PGC: variants seen among roughly 807,000 people sequenced by gnomAD.
PGC encodes the protein progastricsin, also known as gastricsin.
Under a neutral mutation model 45.9 loss-of-function variants are expected in PGC, and 31 were observed. The ratio of observed to expected loss-of-function variants is 0.67; its 90% CI spans 0.51 to 0.91. PGC has a LOEUF of 0.91. PGC is among the 40% of genes least tolerant of loss of function. The pLI is 0.00. For synonymous variants in PGC, 192 were observed against 201.8 expected (o/e 0.95, Z 0.41); for missense variants, 477 against 493.2 (o/e 0.97, Z 0.31).
Position 41,736,785 on chromosome 6 carries a change from G to A in PGC, c.*67C>T, listed in dbSNP as rs749943484. The A allele has an allele frequency of 2.0e-6, 3 of 1,509,586 alleles. No homozygotes were observed. The highest frequency in any genetic ancestry group is 2.8e-6 in the Non-Finnish European group (3 of 1,085,222). 93.5% of individuals were successfully genotyped at this position (1,509,586 alleles called of 1,614,324 possible). A position where few individuals can be genotyped will look rare whatever the true frequency, so the allele number is the denominator to read the frequency against. ...AGGCTGAATCCAGAGTGGAAAGACA[G>A]ATACAATGCCCTAGGAGGGTGCAGG... On this transcript the variant is annotated 3_prime_UTR_variant, in exon 9 of 9. Coordinates refer to ENST00000373025, the MANE Select transcript of PGC (RefSeq NM_002630.4).
In PGC at chr6:41,744,368, C is replaced by A; in HGVS notation, c.328+29G>T. 6.6e-7 allele frequency: 1 copy of A among 1,517,226 alleles called. No individual in the cohort carries two copies. The highest frequency in any genetic ancestry group is 9.1e-7 in the Non-Finnish European group (1 of 1,101,152). The allele number at this position is 1,517,226 out of a possible 1,614,324, so 94.0% of individuals were successfully genotyped here. ...GGTATCAGTGCCTTGCCCTGCCAAC[C>A]ACCCCTCTCTGCCCAGCCCAGCACT... On this transcript the variant is annotated intron_variant, in intron 3 of 8. Coordinates refer to ENST00000373025, the MANE Select transcript of PGC (RefSeq NM_002630.4). The surrounding 1 kb of genome is among the most constrained non-coding windows in gnomAD (Gnocchi z 4.4).
intron 5 of PGC, chr6:41,741,871 G>A (rs1024106213): frequency 6.6e-7 from 1 of 1,505,768 alleles, no homozygotes; most frequent in African/African-American, 1.4e-5. Context: ...AGGAGATGAA[G>A]CAATACATTA....
At chr6:41,741,261 G>GGAGAGGAAGTTAGCAAC in intron 5 of PGC, 1 of 1,438,512 alleles carries the variant, frequency 7.0e-7, no homozygotes, top group Non-Finnish European at 9.1e-7. Context: ...AAACAGAGGT[G>GGAGAGGAAGTTAGCAAC]GAGAGGAAGT....
rs1488959031 is a variant in PGC at position 41,744,370 on chromosome 6, C to T, written c.328+27G>A. On this transcript the variant is annotated intron_variant, in intron 3 of 8. Coordinates refer to ENST00000373025, the MANE Select transcript of PGC (RefSeq NM_002630.4). This position sits in a 1 kb window ranked among gnomAD's most constrained non-coding sequence, Gnocchi z 4.4. The stretch of plus-strand genomic sequence containing the variant: ...TATCAGTGCCTTGCCCTGCCAACCA[C>T]CCCTCTCTGCCCAGCCCAGCACTCA... 1 of 1,523,400 alleles carries T rather than the reference C, an allele frequency of 6.6e-7. No homozygotes were observed. Among genetic ancestry groups the T allele is most frequent in the Non-Finnish European group, 9.0e-7 (1 of 1,106,476 alleles). 94.4% of individuals were successfully genotyped at this position (1,523,400 alleles called of 1,614,324 possible). A position where few individuals can be genotyped will look rare whatever the true frequency, so the allele number is the denominator to read the frequency against.
Position 41,745,360 on chromosome 6 carries a change from T to C in PGC, c.60-552A>G, listed in dbSNP as rs1390188565. On this transcript the variant is annotated intron_variant, in intron 1 of 8. Coordinates refer to ENST00000373025, the MANE Select transcript of PGC (RefSeq NM_002630.4). ...TTCAGAAAATTCTCCTGCCTCAGCC[T>C]CCCGAGTAGCTGGAATTACAGGCGC... Among the ~76,000 whole-genome samples the C allele has an allele frequency of 2.6e-5, 4 of 152,116 alleles. No homozygotes were observed. The East Asian group carries it at 7.7e-4, about 29-fold the overall frequency.
rs529644377 is a variant in PGC at position 41,744,263 on chromosome 6, C to T, written c.328+134G>A. 3.2e-6 allele frequency: 2 copies of T among 626,250 alleles called. No homozygotes were observed. Among genetic ancestry groups the T allele is most frequent in the Non-Finnish European group, 5.7e-6 (2 of 349,992 alleles). The allele number at this position is 626,250 out of a possible 1,614,324, so 38.8% of individuals were successfully genotyped here. On this transcript the variant is annotated intron_variant, in intron 3 of 8. Coordinates refer to ENST00000373025, the MANE Select transcript of PGC (RefSeq NM_002630.4). The surrounding 1 kb of genome is among the most constrained non-coding windows in gnomAD (Gnocchi z 4.4). ...TCTGGCTTGGGCATGCTGTGTGGCC[C>T]TGCACATGTCCCTGGTCCTCCCCAG...
rs1771891905 is a variant in PGC, at chr6:41,744,567, C to T, written c.211-53G>A. On this transcript the variant is annotated intron_variant, in intron 2 of 8. Transcript: ENST00000373025. The surrounding 1 kb of genome is among the most constrained non-coding windows in gnomAD (Gnocchi z 4.4). Reference sequence around the variant, plus strand: ...TCCAGAGGGATCCAGGGGCCCCAGGCTCCTCCATGGGCAGAGGAGTGAAGG... The same window carrying T: ...TCCAGAGGGATCCAGGGGCCCCAGGTTCCTCCATGGGCAGAGGAGTGAAGG... 3.2e-6 allele frequency: 5 copies of T among 1,583,120 alleles called. No individual in the cohort carries two copies. The East Asian group carries it at 6.7e-5, about 21-fold the overall frequency.
Position 41,744,670 on chromosome 6 carries a change from C to A in PGC, c.198G>T (p.Met66Ile). The change falls in exon 2 of 9, where the codon ATG becomes ATT. Residue 66 changes from methionine (M) to isoleucine (I), a missense_variant. Physicochemically the swap from Met to Ile is conservative, Grantham distance 10. Transcript: ENST00000373025. This position sits in a 1 kb window ranked among gnomAD's most constrained non-coding sequence, Gnocchi z 4.4. ...FGDLSVTYEPMAYMDAAYFGE... is the reference protein window; with the variant it reads ...FGDLSVTYEPIAYMDAAYFGE... ...GGTCAGGACTCACATCCATGTAGGC[C>A]ATGGGCTCGTAGGTCACGCTGAGGT... 6.2e-7 allele frequency: 1 copy of A among 1,614,118 alleles called. No homozygotes were observed. The highest frequency in any genetic ancestry group is 8.5e-7 in the Non-Finnish European group (1 of 1,180,012).
In PGC at chr6:41,744,999, G is replaced by C. The variant is rs1270016357; in HGVS notation, c.60-191C>G. Among the ~76,000 whole-genome samples the C allele has an allele frequency of 8.7e-6, 1 of 115,278 alleles. No individual in the cohort carries two copies. Among genetic ancestry groups the C allele is most frequent in the African/African-American group, 2.7e-5 (1 of 36,950 alleles). 75.6% of individuals were successfully genotyped at this position (115,278 alleles called of 152,430 possible). On this transcript the variant is annotated intron_variant, in intron 1 of 8. Coordinates refer to ENST00000373025, the MANE Select transcript of PGC (RefSeq NM_002630.4). The surrounding 1 kb of genome is among the most constrained non-coding windows in gnomAD (Gnocchi z 4.4). ...TGTCTCTGTCTGTCTGTCTCTCTGT[G>C]TGTGTGTGTGTGTGTGCGCGCGCGC...
rs1771885112 is a variant in PGC at position 41,744,279 on chromosome 6, T to A, written c.328+118A>T. The stretch of plus-strand genomic sequence containing the variant: ...TGTGTGGCCCTGCACATGTCCCTGG[T>A]CCTCCCCAGGACTGAGCTCCCCTCA... On this transcript the variant is annotated intron_variant, in intron 3 of 8. Coordinates refer to ENST00000373025, the MANE Select transcript of PGC (RefSeq NM_002630.4). The surrounding 1 kb of genome is among the most constrained non-coding windows in gnomAD (Gnocchi z 4.4). 2 of 658,008 alleles carry A rather than the reference T, an allele frequency of 3.0e-6. No individual in the cohort carries two copies. Among genetic ancestry groups the A allele is most frequent in the African/African-American group, 1.8e-5 (1 of 55,934 alleles). The allele number at this position is 658,008 out of a possible 1,614,324, so 40.8% of individuals were successfully genotyped here.
At chr6:41,740,014 C>T (rs1771792571) in intron 6 of PGC, 68 bp from the exon 7 acceptor site, 3 of 1,441,092 alleles carry the variant, frequency 2.1e-6, no homozygotes, top group Non-Finnish European at 2.9e-6. Context: ...GGGCTTTCCC[C>T]ACCACTGTGG....
intron 4 of PGC, among the ~76,000 whole-genome samples, chr6:41,742,790 A>G (rs190480871): frequency 9.9e-5 from 15 of 152,234 alleles, no homozygotes; most frequent in African/African-American, 2.6e-4. Context: ...ACGCTCAGCT[A>G]ATTTTTTGTA....
intron 8 of PGC, 35 bp from the exon 9 acceptor site, chr6:41,737,039 G>C (rs760742809): frequency 4.4e-6 from 7 of 1,592,546 alleles, no homozygotes; most frequent in Non-Finnish European, 6.0e-6. Context: ...TCATTCATTT[G>C]TCCACACATG....
intron 7 of PGC, among the ~76,000 whole-genome samples, chr6:41,738,266 A>ATATATATATGCATATATATATATG (rs1223190895): frequency 0.022 from 149 of 6,762 alleles, 16 homozygotes; most frequent in South Asian, 0.13. Context: ...ATATATATGC[A>ATATATATATGCATATATATATATG]CACACACACA....
At chr6:41,741,682 T>A in intron 5 of PGC, 1 of 711,488 alleles carries the variant, frequency 1.4e-6, no homozygotes, top group East Asian at 2.7e-5. Flanking sequence ...AGCAAGTTGC[T>A]GGTTAATTCT....
At chr6:41,737,659 C>G in intron 8 of PGC, 71 bp downstream of exon 8, 1 of 873,190 alleles carries the variant, frequency 1.1e-6, no homozygotes, top group Non-Finnish European at 1.9e-6. Flanking sequence ...GGAGACCCAG[C>G]ATTTCTGGCT....
At chr6:41,737,940 C>G in intron 7 of PGC, 112 bp from the exon 8 acceptor site, 1 of 651,356 alleles carries the variant, frequency 1.5e-6, no homozygotes, top group East Asian at 2.8e-5. Context: ...AAGCCCTAAG[C>G]CTGTTTTTGG....
At chr6:41,747,037 C>T (rs1257748500) in intron 1 of PGC, among the ~76,000 whole-genome samples, 2 of 152,236 alleles carry the variant, frequency 1.3e-5, no homozygotes, top group African/African-American at 2.4e-5. Context: ...GTCCATCTTT[C>T]CTCATCAGAT....
chr6:41,741,986 A>T (rs1435682223), intron 5 of PGC: 1 of 691,404 alleles, frequency 1.4e-6, no homozygotes, highest in Non-Finnish European at 2.5e-6. Context: ...GGTGCTGAGA[A>T]TCAGAGCAGC....
Sources: allele counts gnomAD v4.1 joint callset (sites outside exome capture counted in the v4.1 genomes callset), GRCh38; gene constraint gnomAD v4.1.1; non-coding constraint Gnocchi (gnomAD v3.1); transcripts MANE v1.5; gene names NCBI Gene and HGNC (gene_info 2026-07-23, HGNC 2026-07-21).